COL4A5: variants seen among roughly 807,000 people sequenced by gnomAD.
COL4A5 encodes the protein collagen alpha-5(IV) chain.
COL4A5 carries 26 observed loss-of-function variants against 130.2 expected under a neutral mutation model. That is an observed-to-expected ratio of 0.20 (90% CI 0.15 to 0.28). The LOEUF is 0.28. Among genes scored for constraint, COL4A5 ranks in the 10% least tolerant of loss-of-function variants. COL4A5 has a pLI of 1.00. For synonymous variants in COL4A5, 496 were observed against 439.6 expected (o/e 1.13, Z -1.60); for missense variants, 1,131 against 1,344.3 (o/e 0.84, Z 2.48).
rs764810717 is a variant in COL4A5, at chrX:108,694,954, T to C, written c.4821+33T>C. The C allele has an allele frequency of 1.8e-5, 18 of 988,031 alleles. No homozygotes were observed. In the South Asian group the frequency reaches 3.3e-4, roughly 18 times the overall value. 81.4% of individuals were successfully genotyped at this position (988,031 alleles called of 1,213,427 possible). On this transcript the variant is annotated intron_variant, in intron 51 of 52. Coordinates refer to ENST00000328300, the MANE Select transcript of COL4A5 (RefSeq NM_033380.3). ...ACACTCTTCCTTGCATTTGTCATCA[T>C]AGCTGACTGTCCATTCCATCTACAT... is the stretch of plus-strand genomic sequence containing the variant.
chrX:108,573,687 A>G (rs772603126), intron 9 of COL4A5, 33 bp downstream of exon 9: 1 of 983,809 alleles, frequency 1.0e-6, no homozygotes, highest in Non-Finnish European at 1.5e-6. Flanking sequence ...TTTTTGCTAT[A>G]TTGATTAAAC....
intron 3 of COL4A5, among the ~76,000 whole-genome samples, chrX:108,560,073 C>CTT (rs1255561418): frequency 2.7e-5 from 3 of 111,631 alleles, no homozygotes; most frequent in African/African-American, 9.8e-5. Flanking sequence ...ATGGGTTGGA[C>CTT]TTTAAAGGGC....
chrX:108,668,533 C>T (rs1240586729), intron 41 of COL4A5, 29 bp downstream of exon 41: 2 of 1,095,878 alleles, frequency 1.8e-6, no homozygotes, highest in Admixed American at 3.0e-5. Context: ...GGAGAATGGT[C>T]TATTTATTAG....
In COL4A5 at chrX:108,563,900, G is replaced by A; in HGVS notation, c.250G>A (p.Gly84Arg). The change falls in exon 4 of 53, where the codon GGG (glycine) becomes AGG (arginine). Residue 84 changes from glycine (G) to arginine (R), a missense_variant. Transcript: ENST00000328300. ...TTTTCAGGGTGATGATGGAATTCCA[G>A]GGCCACCAGGACCAAAAGGAATCAG... ...RGQKGDDGIP[G>R]PPGPKGIRGP... The A allele has an allele frequency of 8.3e-7, 1 of 1,207,454 alleles. No individual in the cohort carries two copies.
intron 1 of COL4A5, among the ~76,000 whole-genome samples, chrX:108,535,207 C>T (rs2147644505): frequency 9.1e-6 from 1 of 110,157 alleles, no homozygotes; most frequent in East Asian, 2.8e-4. Context: ...TTGCTGGCTC[C>T]CTTTATTATT....
chrX:108,530,114 A>G (rs937921524), intron 1 of COL4A5, among the ~76,000 whole-genome samples: 1 of 111,643 alleles, frequency 9.0e-6, no homozygotes, highest in East Asian at 2.8e-4. Flanking sequence ...TCCTGCAGTT[A>G]TACATGGACC....
intron 1 of COL4A5, among the ~76,000 whole-genome samples, chrX:108,441,043 C>T (rs1455831141): frequency 9.0e-6 from 1 of 111,115 alleles, no homozygotes; most frequent in African/African-American, 3.3e-5. Flanking sequence ...CAGCAAAAAG[C>T]TCCATTCAGT....
chrX:108,675,888 G>T (rs759529780), intron 43 of COL4A5, among the ~76,000 whole-genome samples: 16 of 111,615 alleles, frequency 1.4e-4, no homozygotes, highest in African/African-American at 5.2e-4. Context: ...TTTAATCCTT[G>T]GAACAACCTG....
intron 1 of COL4A5, among the ~76,000 whole-genome samples, chrX:108,495,153 A>G (rs773215954): frequency 2.7e-4 from 30 of 111,395 alleles, no homozygotes; most frequent in Non-Finnish European, 4.7e-4. Context: ...TTCTGGAACA[A>G]TTGAGCATCC....
intron 2 of COL4A5, among the ~76,000 whole-genome samples, chrX:108,548,101 G>A (rs748019827): frequency 2.7e-4 from 30 of 111,264 alleles, no homozygotes; most frequent in African/African-American, 8.5e-4. Flanking sequence ...CGCTCGGTGC[G>A]CTGCACCCAT....
intron 48 of COL4A5, among the ~76,000 whole-genome samples, chrX:108,686,915 A>G (rs2068556535): frequency 8.9e-6 from 1 of 112,143 alleles, no homozygotes; most frequent in Non-Finnish European, 1.9e-5. Context: ...ATAACAAGTT[A>G]GTGTCATCTT....
At chrX:108,541,975 C>A (rs887576759) in intron 2 of COL4A5, among the ~76,000 whole-genome samples, 2 of 111,612 alleles carry the variant, frequency 1.8e-5, no homozygotes, top group Admixed American at 1.9e-4. Context: ...TCAATGAAAA[C>A]CAACCCTGAA....
At position 108,623,225 on chromosome X, in the gene COL4A5, GCTGTA is replaced by G. The variant is rs200906330; in HGVS notation, c.2917+404_2917+408del. Among the ~76,000 whole-genome samples the G allele has an allele frequency of 7.3e-3, 809 of 111,412 alleles. 4 individuals are homozygous for G. Among genetic ancestry groups the G allele is most frequent in the African/African-American group, 0.025 (776 of 30,652 alleles). ...ACCAGATAAGGACGAATGGTACATT[GCTGTA>G]CTGCAGTGTTTTGATATCCATATCA... On this transcript the variant is annotated intron_variant, in intron 33 of 52. Coordinates refer to ENST00000328300, the MANE Select transcript of COL4A5 (RefSeq NM_033380.3).
intron 2 of COL4A5, among the ~76,000 whole-genome samples, chrX:108,540,565 C>T (rs1430829942): frequency 1.8e-5 from 2 of 111,280 alleles, no homozygotes. Context: ...GTTCTCGTGC[C>T]TCAGCCTGCC....
intron 36 of COL4A5, among the ~76,000 whole-genome samples, chrX:108,630,432 A>G (rs1443805576): frequency 1.8e-5 from 2 of 111,937 alleles, no homozygotes; most frequent in African/African-American, 6.5e-5. Flanking sequence ...TTTTTCATGT[A>G]TGTGTTGGCT....
intron 36 of COL4A5, among the ~76,000 whole-genome samples, chrX:108,654,310 C>G (rs1356595760): frequency 9.1e-6 from 1 of 110,405 alleles, no homozygotes; most frequent in Non-Finnish European, 1.9e-5. Context: ...ATCTCTTACC[C>G]AAAATAAACT....
chrX:108,536,073 G>T (rs762984604), intron 1 of COL4A5, among the ~76,000 whole-genome samples: 1 of 111,162 alleles, frequency 9.0e-6, no homozygotes, highest in Admixed American at 9.6e-5. Context: ...TTTTTGTGAG[G>T]TTCTTTAGGT....
At chrX:108,675,871 T>C (rs1325022916) in intron 43 of COL4A5, among the ~76,000 whole-genome samples, 1 of 112,237 alleles carries the variant, frequency 8.9e-6, no homozygotes, top group Non-Finnish European at 1.9e-5. Flanking sequence ...TTTTACATTG[T>C]ATCTCATTTA....
chrX:108,608,111 G>T (rs2066766891), intron 29 of COL4A5, among the ~76,000 whole-genome samples: 1 of 111,342 alleles, frequency 9.0e-6, no homozygotes, highest in Non-Finnish European at 1.9e-5. Context: ...CTGAATTAAA[G>T]GGTAAATGCA....
Sources: allele counts gnomAD v4.1 joint callset (sites outside exome capture counted in the v4.1 genomes callset), GRCh38; gene constraint gnomAD v4.1.1; transcripts MANE v1.5; gene names NCBI Gene and HGNC (gene_info 2026-07-23, HGNC 2026-07-21).